Variants in HLTF observed in about 807,000 individuals in gnomAD.
HLTF encodes the protein helicase like transcription factor, also known as DNA-dependent ATPase/E3 ubiquitin-protein ligase HLTF.
HLTF carries 127 observed loss-of-function variants against 129.4 expected under a neutral mutation model. That is an observed-to-expected ratio of 0.98 (90% CI 0.85 to 1.14). The LOEUF (loss-of-function observed/expected upper bound fraction) is 1.14. Ranked by LOEUF, HLTF falls within the 50% of genes most tolerant of loss-of-function variation. The pLI is 0.00. For missense variants in HLTF, 1,139 were observed against 1,187.1 expected (o/e 0.96, Z 0.60); for synonymous variants, 332 against 388.8 (o/e 0.85, Z 1.72).
chr3:149,061,838 A>C (rs1180877227), intron 10 of HLTF, among the ~76,000 whole-genome samples: 59 of 147,712 alleles, frequency 4.0e-4, no homozygotes, highest in African/African-American at 1.2e-3. Flanking sequence ...CTCTGTCTCA[A>C]AAAAAAAAAA....
chr3:149,083,455 AAGATCAATAACTACCAT>A (rs1720062254), intron 2 of HLTF, among the ~76,000 whole-genome samples: 1 of 152,166 alleles, frequency 6.6e-6, no homozygotes, highest in African/African-American at 2.4e-5. Flanking sequence ...TGATTGTTCT[AAGATCAATAACTACCAT>A]AATCTAGTAT....
chr3:149,073,239 TCTGTACTGCAGCATGCA>T lies in HLTF; in HGVS notation c.596_612del (p.Val199AspfsTer4). ...GAGAAGCACACCTGTTCAGTTGTCA[TCTGTACTGCAGCATGCA>T]CTGGCATACTATAGCTTGGTCCAGC... On this transcript the variant is annotated frameshift_variant, in exon 5 of 25. Coordinates refer to ENST00000310053, the MANE Select transcript of HLTF (RefSeq NM_003071.4). LOFTEE classifies it high-confidence loss of function. 1 of 1,603,302 alleles carries T rather than the reference TCTGTACTGCAGCATGCA, an allele frequency of 6.2e-7. No individual in the cohort carries two copies. Among genetic ancestry groups the T allele is most frequent in the Non-Finnish European group, 8.5e-7 (1 of 1,174,186 alleles).
intron 5 of HLTF, among the ~76,000 whole-genome samples, chr3:149,072,291 T>C (rs1213048387): frequency 4.6e-5 from 7 of 152,186 alleles, no homozygotes; most frequent in African/African-American, 1.7e-4. Flanking sequence ...TATGGCCCCA[T>C]GTCTTATTCC....
chr3:149,070,488 C>A (rs1326718236), intron 7 of HLTF, among the ~76,000 whole-genome samples: 1 of 152,166 alleles, frequency 6.6e-6, no homozygotes, highest in Admixed American at 6.5e-5. Context: ...TCTTTAGCTA[C>A]CACTGCCTAA....
intron 2 of HLTF, among the ~76,000 whole-genome samples, chr3:149,080,601 A>G (rs1468617636): frequency 1.3e-5 from 2 of 152,270 alleles, no homozygotes; most frequent in East Asian, 3.9e-4. Context: ...ACATAACCAA[A>G]ATAAAAAAGC....
chr3:149,071,414 T>G lies in HLTF; in HGVS notation c.732A>C (p.Gln244His). The change falls in exon 7 of 25, where the codon CAA becomes CAC. Residue 244 changes from glutamine to histidine, a missense_variant. Transcript: ENST00000310053. ...EAIETPLLPH[Q>H]KQALAWMVSR... ...ACACCATCCAAGCTAGAGCTTGTTT[T>G]TGATGTGGAAGCAGTGGTGTTTCAA... is the stretch of plus-strand genomic sequence containing the variant. 1 of 1,613,380 alleles carries G rather than the reference T, an allele frequency of 6.2e-7. No homozygotes were observed. The highest frequency in any genetic ancestry group is 8.5e-7 in the Non-Finnish European group (1 of 1,179,818).
chr3:149,037,421 T>TTG lies in HLTF; in HGVS notation c.2796+1626_2796+1627dup, dbSNP rs533885197. 6.0e-4 allele frequency among the ~76,000 whole-genome samples: 90 copies of TTG among 150,690 alleles called. No homozygotes were observed. In the East Asian group the frequency reaches 0.017, roughly 29 times the overall value. The stretch of plus-strand genomic sequence containing the variant: ...AGGTGGAGGTTGCAGTGAGCCAAGA[T>TTG]TGTGCCACCACACTCCAGCATGGGC... On this transcript the variant is annotated intron_variant, in intron 23 of 24. Coordinates refer to ENST00000310053, the MANE Select transcript of HLTF (RefSeq NM_003071.4).
At chr3:149,064,163 A>G (rs1718170881) in intron 9 of HLTF, among the ~76,000 whole-genome samples, 1 of 152,176 alleles carries the variant, frequency 6.6e-6, no homozygotes, top group Non-Finnish European at 1.5e-5. Context: ...TCATCTAGGT[A>G]GATGAGTTAG....
At position 149,040,169 on chromosome 3, in the gene HLTF, G is replaced by T. The variant is rs1227539681; in HGVS notation, c.2377-13C>A. On this transcript the variant is annotated splice_polypyrimidine_tract_variant and intron_variant, in intron 20 of 24. Coordinates refer to ENST00000310053, the MANE Select transcript of HLTF (RefSeq NM_003071.4). ...ATTTAGCATGTGGCTATATAAGAAA[G>T]AACGAAGTATGAGCAACACTTAACA... is the stretch of plus-strand genomic sequence containing the variant. The T allele has an allele frequency of 4.4e-6, 7 of 1,599,618 alleles. No homozygotes were observed. The highest frequency in any genetic ancestry group is 6.0e-6 in the Non-Finnish European group (7 of 1,175,716).
chr3:149,086,190 A>G, intron 1 of HLTF, 127 bp downstream of exon 1: 1 of 1,023,890 alleles, frequency 9.8e-7, no homozygotes, highest in Non-Finnish European at 1.5e-6. Flanking sequence ...CACATATGCG[A>G]CCAACAGAAC....
chr3:149,064,966 G>A (rs913945604), intron 8 of HLTF, 100 bp from the exon 9 acceptor site: 11 of 591,468 alleles, frequency 1.9e-5, no homozygotes, highest in East Asian at 9.1e-5. Context: ...TAATAAAAAC[G>A]ACTTAAATTG....
chr3:149,040,160 T>C lies in HLTF; in HGVS notation c.2377-4A>G, dbSNP rs376818593. 8.0e-5 allele frequency: 128 copies of C among 1,604,024 alleles called. 1 individual carries two copies. The African/African-American group carries it at 1.5e-3, about 19-fold the overall frequency. On this transcript the variant is annotated splice_polypyrimidine_tract_variant and splice_region_variant and intron_variant, in intron 20 of 24. Coordinates refer to ENST00000310053, the MANE Select transcript of HLTF (RefSeq NM_003071.4). Reference sequence around the variant, plus strand: ...ATAAAGGGCATTTAGCATGTGGCTATATAAGAAAGAACGAAGTATGAGCAA... The same window carrying C: ...ATAAAGGGCATTTAGCATGTGGCTACATAAGAAAGAACGAAGTATGAGCAA...
chr3:149,085,070 TCTAC>T (rs1185813929), intron 1 of HLTF, among the ~76,000 whole-genome samples, 181 bp from the exon 2 acceptor site: 6 of 152,224 alleles, frequency 3.9e-5, no homozygotes, highest in African/African-American at 1.4e-4. Flanking sequence ...TTCTAGGAAC[TCTAC>T]CTGTTTTCAA....
chr3:149,057,852 T>C (rs780562063), intron 13 of HLTF, among the ~76,000 whole-genome samples: 24 of 152,204 alleles, frequency 1.6e-4, no homozygotes, highest in Admixed American at 7.2e-4. Flanking sequence ...ATGTACATTA[T>C]TTCTAATATT....
chr3:149,039,644 T>C lies in HLTF; in HGVS notation c.2552A>G (p.Asn851Ser). ...CTGAGAAACAACCAAACTTTTTATGTTGGGATTCTTCTTTCTTAAGTCAGT... is the reference window on the plus strand; with the variant it reads ...CTGAGAAACAACCAAACTTTTTATGCTGGGATTCTTCTTTCTTAAGTCAGT... ...ALTDLRKKNP[N>S]IKSLVVSQFT... Residue 851 changes from asparagine to serine, a missense_variant, in exon 22 of 25, where the codon AAC becomes AGC. Physicochemically the swap from Asn to Ser is conservative, Grantham distance 46 (BLOSUM62 1). Coordinates refer to ENST00000310053, the MANE Select transcript of HLTF (RefSeq NM_003071.4). 6.2e-7 allele frequency: 1 copy of C among 1,608,480 alleles called. No homozygotes were observed. The highest frequency in any genetic ancestry group is 8.5e-7 in the Non-Finnish European group (1 of 1,177,430).
intron 17 of HLTF, among the ~76,000 whole-genome samples, chr3:149,046,794 G>A (rs984521316): frequency 6.6e-6 from 1 of 152,046 alleles, no homozygotes; most frequent in South Asian, 2.1e-4. Context: ...ATGCTTTACA[G>A]GTTCCACAAT....
chr3:149,083,854 G>A (rs1720098393), intron 2 of HLTF: 1 of 151,052 alleles, frequency 6.6e-6, no homozygotes, highest in Non-Finnish European at 1.5e-5. Context: ...GGGAGGCAGA[G>A]ATTGCAGTGA....
chr3:149,075,242 C>T (rs1483087005), intron 3 of HLTF, among the ~76,000 whole-genome samples: 1 of 152,160 alleles, frequency 6.6e-6, no homozygotes, highest in Non-Finnish European at 1.5e-5. Flanking sequence ...CAGTTTATAA[C>T]CTCTGATATA....
chr3:149,077,513 A>G (rs1430199865), intron 2 of HLTF, among the ~76,000 whole-genome samples: 1 of 152,030 alleles, frequency 6.6e-6, no homozygotes. Context: ...ATTTTACAGG[A>G]AAGTGTTTTA....
Sources: allele counts gnomAD v4.1 joint callset (sites outside exome capture counted in the v4.1 genomes callset), GRCh38; gene constraint gnomAD v4.1.1; transcripts MANE v1.5; gene names NCBI Gene and HGNC (gene_info 2026-07-23, HGNC 2026-07-21).